Variants in FIP1L1 observed in about 807,000 individuals in gnomAD.
FIP1L1 encodes factor interacting with PAPOLA and CPSF1.
A neutral mutation model predicts 84.6 loss-of-function variants in FIP1L1; 21 were observed. The ratio of observed to expected loss-of-function variants is 0.25; its 90% CI spans 0.18 to 0.36. The LOEUF (loss-of-function observed/expected upper bound fraction) is 0.36, where lower values mean the gene tolerates loss of function less well. Among genes scored for constraint, FIP1L1 ranks in the 10% least tolerant of loss-of-function variants. The pLI is 1.00. For missense variants in FIP1L1, 526 were observed against 751.1 expected (o/e 0.70, Z 3.50); for synonymous variants, 263 against 242.3 (o/e 1.09, Z -0.80).
intron 9 of FIP1L1, among the ~76,000 whole-genome samples, chr4:53,398,618 TAA>T (rs923949960): frequency 2.0e-5 from 3 of 149,564 alleles, no homozygotes; most frequent in Non-Finnish European, 4.5e-5. Flanking sequence ...AAGTAGAACA[TAA>T]AATATGGTGT....
chr4:53,433,644 T>G (rs1444966384), intron 13 of FIP1L1, among the ~76,000 whole-genome samples: 1 of 152,212 alleles, frequency 6.6e-6, no homozygotes, highest in Non-Finnish European at 1.5e-5. Flanking sequence ...AATTGAAATG[T>G]AGCCCAGTAG....
chr4:53,391,958 A>G (rs920253056), intron 9 of FIP1L1, among the ~76,000 whole-genome samples: 1 of 152,216 alleles, frequency 6.6e-6, no homozygotes, highest in Admixed American at 6.5e-5. Flanking sequence ...GATATCTTCA[A>G]AAATCTTAGG....
At chr4:53,413,180 T>G (rs1177158837) in intron 10 of FIP1L1, among the ~76,000 whole-genome samples, 1 of 152,014 alleles carries the variant, frequency 6.6e-6, no homozygotes, top group Non-Finnish European at 1.5e-5. Flanking sequence ...TTAGGGTGTT[T>G]TTATAGTTTG....
chr4:53,388,688 C>T (rs1416292310), intron 5 of FIP1L1, among the ~76,000 whole-genome samples: 6 of 152,152 alleles, frequency 3.9e-5, no homozygotes, highest in South Asian at 2.1e-4. Context: ...TGCCCATTCC[C>T]GTTTTCTTCT....
chr4:53,378,717 C>T, intron 1 of FIP1L1: 2 of 223,306 alleles, frequency 9.0e-6, no homozygotes, highest in South Asian at 8.5e-5. Context: ...AGTCACAATC[C>T]CTTCTTGCTT....
chr4:53,460,842 A>C lies in FIP1L1; in HGVS notation c.*1393A>C. ...TTAAATATAAAAACTGACAAGATAA[A>C]TATAGTGTTTCAACTTCTTAGCCTA... On this transcript the variant is annotated 3_prime_UTR_variant, in exon 18 of 18. Coordinates refer to ENST00000337488, the MANE Select transcript of FIP1L1 (RefSeq NM_030917.4). 1 of 1,383,426 alleles carries C rather than the reference A, an allele frequency of 7.2e-7. No homozygotes were observed. The highest frequency in any genetic ancestry group is 1.5e-5 in the African/African-American group (1 of 67,558). The allele number at this position is 1,383,426 out of a possible 1,614,324, so 85.7% of individuals were successfully genotyped here. A position where few individuals can be genotyped will look rare whatever the true frequency, so the allele number is the denominator to read the frequency against.
intron 10 of FIP1L1, among the ~76,000 whole-genome samples, chr4:53,407,497 G>T (rs1383392203): frequency 2.0e-5 from 3 of 152,086 alleles, no homozygotes; most frequent in African/African-American, 7.2e-5. Context: ...TTGATTTGGG[G>T]TGGAGAGTTC....
intron 1 of FIP1L1, 92 bp from the exon 2 acceptor site, chr4:53,378,980 AT>A: frequency 4.0e-6 from 5 of 1,262,084 alleles, no homozygotes; most frequent in Non-Finnish European, 5.6e-6. Context: ...ATTTAAGCTT[AT>A]TTTTATAGCA....
In FIP1L1 at chr4:53,391,101, G is replaced by C; in HGVS notation, c.598G>C (p.Glu200Gln). The C allele has an allele frequency of 1.2e-6, 2 of 1,611,816 alleles. No homozygotes were observed. The highest frequency in any genetic ancestry group is 1.7e-6 in the Non-Finnish European group (2 of 1,179,030). ...EKQKRIRMGL[E>Q]VIPVTSTTNK... ...ACAAAAGAGGATACGAATGGGACTT[G>C]AAGTTATACCAGTAACCTCTACTAC... The change falls in exon 8 of 18, where the codon GAA (glutamate) becomes CAA (glutamine). Residue 200 changes from glutamate (E) to glutamine (Q), a missense_variant. Coordinates refer to ENST00000337488, the MANE Select transcript of FIP1L1 (RefSeq NM_030917.4).
At position 53,428,643 on chromosome 4, in the gene FIP1L1, C is replaced by T. The variant is rs1041965565; in HGVS notation, c.1174+460C>T. 2.6e-5 allele frequency among the ~76,000 whole-genome samples: 4 copies of T among 152,136 alleles called. 1 individual carries two copies. The highest frequency in any genetic ancestry group is 4.1e-4 in the South Asian group (2 of 4,820). On this transcript the variant is annotated intron_variant, in intron 13 of 17. Transcript: ENST00000337488. Reference sequence around the variant, plus strand: ...CTTTTAGGAGACTGCTACTGGGTGCCTGGTATTTATTTCTTTTAAACAAAA... The same window carrying T: ...CTTTTAGGAGACTGCTACTGGGTGCTTGGTATTTATTTCTTTTAAACAAAA...
intron 15 of FIP1L1, among the ~76,000 whole-genome samples, chr4:53,449,091 G>T (rs1450369156): frequency 6.6e-6 from 1 of 151,208 alleles, no homozygotes; most frequent in Non-Finnish European, 1.5e-5. Flanking sequence ...ATCCTTGTTT[G>T]TCCCTTTTTT....
chr4:53,401,314 A>G (rs1262403347), intron 10 of FIP1L1, among the ~76,000 whole-genome samples: 1 of 152,212 alleles, frequency 6.6e-6, no homozygotes, highest in Non-Finnish European at 1.5e-5. Context: ...GTGTGCCATT[A>G]TAAAGGCTTT....
chr4:53,438,156 A>AT (rs1770310326), intron 13 of FIP1L1, among the ~76,000 whole-genome samples: 1 of 152,108 alleles, frequency 6.6e-6, no homozygotes, highest in Admixed American at 6.6e-5. Context: ...GAAAATCAAC[A>AT]TTTTTTTAAA....
chr4:53,442,415 C>T (rs777505852), intron 13 of FIP1L1: 7 of 423,596 alleles, frequency 1.7e-5, no homozygotes, highest in Non-Finnish European at 3.0e-5. Flanking sequence ...GAAAATAAGA[C>T]CGGTGTCCTG....
intron 16 of FIP1L1, among the ~76,000 whole-genome samples, chr4:53,457,562 C>T (rs1719929208): frequency 6.6e-6 from 1 of 152,056 alleles, no homozygotes; most frequent in South Asian, 2.1e-4. Flanking sequence ...CACAGGCTGA[C>T]ATGTCTTTTA....
chr4:53,414,171 A>G (rs1442341978), intron 10 of FIP1L1, among the ~76,000 whole-genome samples: 2 of 152,172 alleles, frequency 1.3e-5, no homozygotes, highest in Non-Finnish European at 2.9e-5. Context: ...GAAACACGTC[A>G]GAGTGTTGCT....
chr4:53,431,448 A>G (rs1469077692), intron 13 of FIP1L1, among the ~76,000 whole-genome samples: 1 of 152,238 alleles, frequency 6.6e-6, no homozygotes, highest in East Asian at 1.9e-4. Flanking sequence ...AAATAATCAA[A>G]AGAAAATGGA....
intron 10 of FIP1L1, among the ~76,000 whole-genome samples, chr4:53,404,559 T>A (rs971751538): frequency 6.6e-6 from 1 of 151,720 alleles, no homozygotes; most frequent in South Asian, 2.1e-4. Flanking sequence ...ATGGTATTTC[T>A]AGTTATAGAT....
intron 13 of FIP1L1, among the ~76,000 whole-genome samples, chr4:53,429,528 ATAAT>A (rs1169358886): frequency 3.3e-5 from 5 of 152,216 alleles, no homozygotes; most frequent in African/African-American, 7.2e-5. Context: ...AAAGGTAGAA[ATAAT>A]TAATGTTTCA....
Sources: gnomAD v4.1 joint callset for allele counts (sites outside exome capture counted in the v4.1 genomes callset) on GRCh38, gnomAD v4.1.1 for gene constraint, MANE v1.5 for transcripts, NCBI Gene and HGNC (gene_info 2026-07-23, HGNC 2026-07-21) for gene names.